PTPRB: variants seen among roughly 807,000 people sequenced by gnomAD.
The protein encoded by PTPRB is receptor-type tyrosine-protein phosphatase beta.
In PTPRB, 97 loss-of-function variants were observed where a neutral mutation model predicts 238.1. The ratio of observed to expected loss-of-function variants is 0.41; its 90% CI spans 0.35 to 0.48. PTPRB has a LOEUF of 0.48. Ranked by LOEUF, PTPRB falls within the 20% of genes least tolerant of loss-of-function variation. The pLI is 0.30. For missense variants in PTPRB, 2,292 were observed against 2,681.9 expected, an observed-to-expected ratio of 0.85 and a Z score of 3.21; for synonymous variants, 970 against 995.4, an observed-to-expected ratio of 0.97 and a Z score of 0.48.
At chr12:70,553,980 A>G (rs1877280533) in intron 20 of PTPRB, among the ~76,000 whole-genome samples, 1 of 152,166 alleles carries the variant, frequency 6.6e-6, no homozygotes, top group African/African-American at 2.4e-5. Context: ...CTGGGGTGTG[A>G]CTTTTTTGGT....
At chr12:70,624,864 C>T (rs1459926605) in intron 2 of PTPRB, among the ~76,000 whole-genome samples, 1 of 152,102 alleles carries the variant, frequency 6.6e-6, no homozygotes, top group Non-Finnish European at 1.5e-5. Flanking sequence ...ATCCTAAGAA[C>T]TTTTTAAAAA....
chr12:70,594,810 A>C, intron 5 of PTPRB, 86 bp from the exon 6 acceptor site: 1 of 1,481,470 alleles, frequency 6.8e-7, no homozygotes, highest in Non-Finnish European at 9.2e-7. Flanking sequence ...TCACATATTC[A>C]TTTGTGTTCC....
intron 33 of PTPRB, 101 bp downstream of exon 33, chr12:70,524,370 C>T: frequency 2.3e-6 from 3 of 1,295,278 alleles, no homozygotes; most frequent in South Asian, 3.3e-5. Flanking sequence ...CTGCCTCAGC[C>T]TCCCAAAGTG....
intron 6 of PTPRB, among the ~76,000 whole-genome samples, 171 bp from the exon 7 acceptor site, chr12:70,592,716 A>G (rs949407057): frequency 2.0e-5 from 3 of 152,264 alleles, no homozygotes; most frequent in African/African-American, 7.2e-5. Context: ...AATAAAAATA[A>G]AAAAAGGTTT....
chr12:70,557,343 T>G (rs1036188312), intron 18 of PTPRB, among the ~76,000 whole-genome samples: 14 of 152,192 alleles, frequency 9.2e-5, no homozygotes, highest in African/African-American at 3.4e-4. Flanking sequence ...GGATTTTCTG[T>G]TACCCATAGC....
At chr12:70,577,663 G>A (rs1245654229) in intron 10 of PTPRB, among the ~76,000 whole-genome samples, 1 of 152,096 alleles carries the variant, frequency 6.6e-6, no homozygotes, top group African/African-American at 2.4e-5. Context: ...GACAGGATTT[G>A]GCTAGATGAC....
chr12:70,563,595 T>C (rs921779374), intron 15 of PTPRB, among the ~76,000 whole-genome samples: 8 of 152,248 alleles, frequency 5.3e-5, no homozygotes, highest in Non-Finnish European at 1.2e-4. Flanking sequence ...ATTCAATTTA[T>C]GGATTTAACT....
In PTPRB at chr12:70,531,428, T is replaced by C. The variant is rs190770721; in HGVS notation, c.6504+607A>G. On this transcript the variant is annotated intron_variant, in intron 32 of 33. Transcript: ENST00000334414. ...CAGAGGAGTGAATGCTTGGTCTCTATTGAGGAAGAGATCTGACCCTGAGGC... is the reference window on the plus strand; with the variant it reads ...CAGAGGAGTGAATGCTTGGTCTCTACTGAGGAAGAGATCTGACCCTGAGGC... Among the ~76,000 whole-genome samples the C allele has an allele frequency of 3.3e-5, 5 of 152,170 alleles. No individual in the cohort carries two copies. The East Asian group carries it at 9.7e-4, about 29-fold the overall frequency.
intron 5 of PTPRB, 128 bp downstream of exon 5, chr12:70,595,921 A>C: frequency 1.1e-6 from 1 of 938,990 alleles, no homozygotes; most frequent in Non-Finnish European, 1.5e-6. Context: ...AGCTCCTTTT[A>C]AAAATTTAAC....
intron 4 of PTPRB, among the ~76,000 whole-genome samples, chr12:70,603,293 T>G (rs968031323): frequency 6.6e-6 from 1 of 152,154 alleles, no homozygotes; most frequent in Admixed American, 6.5e-5. Flanking sequence ...CACCAAAAGT[T>G]CAACACAATC....
At chr12:70,521,899 TA>T (rs1871701446) in intron 33 of PTPRB, among the ~76,000 whole-genome samples, 1 of 152,132 alleles carries the variant, frequency 6.6e-6, no homozygotes, top group Non-Finnish European at 1.5e-5. Flanking sequence ...AAGATTACTC[TA>T]AAAAAAGATT....
Position 70,572,071 on chromosome 12 carries a change from C to A in PTPRB, c.2859G>T (p.Gln953His), listed in dbSNP as rs1880127793. The change falls in exon 12 of 34, where the codon CAG becomes CAT. Residue 953 changes from glutamine to histidine, a missense_variant. Physicochemically the swap from Gln to His is conservative, Grantham distance 24. Transcript: ENST00000334414. ...TGGCTGAGTTGCTAACACTGACTCC[C>A]TGGACTTTGTCAGGCACTGAAAAGG... The part of the protein sequence containing the change: ...SQERTVPDKV[Q>H]GVSVSNSARS... 1.2e-6 allele frequency: 2 copies of A among 1,610,788 alleles called. No homozygotes were observed. Among genetic ancestry groups the A allele is most frequent in the African/African-American group, 2.7e-5 (2 of 74,726 alleles).
At chr12:70,624,943 A>G (rs1332587582) in intron 2 of PTPRB, among the ~76,000 whole-genome samples, 1 of 152,038 alleles carries the variant, frequency 6.6e-6, no homozygotes. Context: ...TTTTCAAAAC[A>G]CTCTTGAAAT....
chr12:70,581,399 CT>C, intron 9 of PTPRB, 97 bp from the exon 10 acceptor site: 2 of 1,289,858 alleles, frequency 1.6e-6, no homozygotes, highest in Non-Finnish European at 1.1e-6. Context: ...CTTGAAAGTA[CT>C]AAAAATAATT....
chr12:70,626,030 T>A (rs568641094), intron 2 of PTPRB, among the ~76,000 whole-genome samples: 2 of 152,194 alleles, frequency 1.3e-5, no homozygotes, highest in East Asian at 1.9e-4. Flanking sequence ...TCAGAAATAA[T>A]AACAGAAATA....
chr12:70,521,259 A>G lies in PTPRB; in HGVS notation c.*230T>C. 5.0e-6 allele frequency: 2 copies of G among 402,594 alleles called. No homozygotes were observed. Among genetic ancestry groups the G allele is most frequent in the Non-Finnish European group, 4.4e-6 (1 of 227,208 alleles). The allele number at this position is 402,594 out of a possible 1,614,324, so 24.9% of individuals were successfully genotyped here. ...GAAAAATAGTATTATATAAAGCTTA[A>G]TATTAAACATTATGAAAAATACATA... On this transcript the variant is annotated 3_prime_UTR_variant, in exon 34 of 34. Transcript: ENST00000334414.
chr12:70,592,413 TC>T lies in PTPRB; in HGVS notation c.1648del (p.Glu550AsnfsTer5). 1 of 1,613,954 alleles carries T rather than the reference TC, an allele frequency of 6.2e-7. No homozygotes were observed. The highest frequency in any genetic ancestry group is 8.5e-7 in the Non-Finnish European group (1 of 1,179,848). The part of the protein sequence containing the change: ...ITLSHKGTIK[E>X]SRVLAPWITE... ...AATCCAAGGTGCTAATACTCTGGAT[TC>T]CTTGATGGTCCCTTTGTGAGACAGG... On this transcript the variant is annotated frameshift_variant, in exon 7 of 34. Transcript: ENST00000334414. LOFTEE classifies it high-confidence loss of function.
intron 32 of PTPRB, among the ~76,000 whole-genome samples, chr12:70,525,034 T>C (rs751261908): frequency 1.2e-4 from 18 of 151,978 alleles, no homozygotes; most frequent in Admixed American, 2.0e-4. Flanking sequence ...CAACTGTGTC[T>C]AGTACGTAGT....
rs547028971 is a variant in PTPRB at position 70,598,933 on chromosome 12, T to C, written c.980-2606A>G. 5.3e-5 allele frequency among the ~76,000 whole-genome samples: 8 copies of C among 152,302 alleles called. 1 individual carries two copies. The South Asian group carries it at 1.7e-3, about 32-fold the overall frequency. On this transcript the variant is annotated intron_variant, in intron 4 of 33. Transcript: ENST00000334414. Reference sequence around the variant, plus strand: ...AGCCAGAAAACAAAACAGTCAATCCTTTGTACATCCGCTAGAACAAAGGAA... The same window carrying C: ...AGCCAGAAAACAAAACAGTCAATCCCTTGTACATCCGCTAGAACAAAGGAA...
Sources: gnomAD v4.1 joint callset for allele counts (sites outside exome capture counted in the v4.1 genomes callset) on GRCh38, gnomAD v4.1.1 for gene constraint, MANE v1.5 for transcripts, NCBI Gene and HGNC (gene_info 2026-07-23, HGNC 2026-07-21) for gene names.